Variants in RNASE4 observed in about 807,000 individuals in gnomAD.
RNASE4 encodes the protein ribonuclease 4.
For synonymous variants in RNASE4, 93 were observed against 71.4 expected, an observed-to-expected ratio of 1.30 and a Z score of -1.52; for missense variants, 194 against 192.8, an observed-to-expected ratio of 1.01 and a Z score of -0.04.
intron 1 of RNASE4, among the ~76,000 whole-genome samples, chr14:20,687,138 T>C (rs1886464326): frequency 6.6e-6 from 1 of 152,270 alleles, no homozygotes; most frequent in African/African-American, 2.4e-5. Context: ...TCCTTAATCA[T>C]AGAATATAAT....
At chr14:20,695,609 A>G (rs1379124802) in intron 1 of RNASE4, among the ~76,000 whole-genome samples, 1 of 152,220 alleles carries the variant, frequency 6.6e-6, no homozygotes, top group African/African-American at 2.4e-5. Context: ...TTGCCAATAA[A>G]TTAGTTATAA....
At chr14:20,690,373 G>A (rs914239278) in intron 1 of RNASE4, among the ~76,000 whole-genome samples, 1 of 152,092 alleles carries the variant, frequency 6.6e-6, no homozygotes, top group Admixed American at 6.5e-5. Flanking sequence ...CAGATGTGAG[G>A]CTTTGCACCC....
At position 20,699,430 on chromosome 14, in the gene RNASE4, TG is replaced by T; in HGVS notation, c.63del (p.Leu22TrpfsTer34). On this transcript the variant is annotated frameshift_variant, in exon 2 of 2. Transcript: ENST00000555835. LOFTEE classifies it low-confidence loss of function (END_TRUNC). ...CTTTTGCTGCTGACCCTGCTGGGGCTGGGGCTGGTCCAGCCCTCCTATGGCC... is the reference window on the plus strand; with the variant it reads ...CTTTTGCTGCTGACCCTGCTGGGGCTGGGCTGGTCCAGCCCTCCTATGGCC... The part of the protein sequence containing the change: ...LLLLLLTLLG[L>X]GLVQPSYGQD... The T allele has an allele frequency of 4.3e-6, 7 of 1,611,594 alleles. No individual in the cohort carries two copies.
At position 20,690,221 on chromosome 14, in the gene RNASE4, C is replaced by CAAAAAAAAA. The variant is rs36091065; in HGVS notation, c.-18+5482_-18+5490dup. The stretch of plus-strand genomic sequence containing the variant: ...TGGGCGACAGAGCGAGACTCCGTCT[C>CAAAAAAAAA]AAAAAAAAAAAAAAAAAAAAAAAAA... On this transcript the variant is annotated intron_variant, in intron 1 of 1. Transcript: ENST00000555835. 5.9e-3 allele frequency among the ~76,000 whole-genome samples: 398 copies of CAAAAAAAAA among 67,878 alleles called. 1 individual carries two copies. The highest frequency in any genetic ancestry group is 0.017 in the Middle Eastern group (1 of 60). 44.5% of individuals were successfully genotyped at this position (67,878 alleles called of 152,430 possible). A position where few individuals can be genotyped will look rare whatever the true frequency, so the allele number is the denominator to read the frequency against.
chr14:20,693,535 T>G, intron 1 of RNASE4: 1 of 1,609,306 alleles, frequency 6.2e-7, no homozygotes, highest in Non-Finnish European at 8.5e-7. Context: ...CACCTCCTTT[T>G]GCCCTCCGCA....
intron 1 of RNASE4, among the ~76,000 whole-genome samples, chr14:20,695,373 C>T (rs969522064): frequency 4.6e-4 from 65 of 142,270 alleles, no homozygotes; most frequent in Middle Eastern, 3.8e-3. Context: ...CCAGCCTGGG[C>T]GACAGAGCGA....
At chr14:20,690,088 G>A (rs1294865244) in intron 1 of RNASE4, among the ~76,000 whole-genome samples, 4 of 148,052 alleles carry the variant, frequency 2.7e-5, no homozygotes, top group African/African-American at 5.0e-5. Flanking sequence ...GGTGGCGGGC[G>A]CCTGTAGTCC....
At chr14:20,696,531 C>T (rs1002611095) in intron 1 of RNASE4, among the ~76,000 whole-genome samples, 1 of 151,842 alleles carries the variant, frequency 6.6e-6, no homozygotes, top group African/African-American at 2.4e-5. Flanking sequence ...AAGAAAATTC[C>T]ATGCAATTTG....
intron 1 of RNASE4, chr14:20,693,882 G>A (rs1217089813): frequency 9.9e-6 from 16 of 1,614,186 alleles, no homozygotes; most frequent in Non-Finnish European, 1.4e-5. Flanking sequence ...CCACTTGCAA[G>A]CTACATGGAG....
In RNASE4 at chr14:20,700,864, G is replaced by A. The variant is rs557979501; in HGVS notation, c.*1049G>A. The stretch of plus-strand genomic sequence containing the variant: ...CAGGTCTCTGAGCCCAAGCCTGCAC[G>A]TATACATCCAGATGGCCTGAAGCAA... On this transcript the variant is annotated 3_prime_UTR_variant, in exon 2 of 2. Coordinates refer to ENST00000555835, the MANE Select transcript of RNASE4 (RefSeq NM_002937.5). 123 of 152,588 alleles carry A rather than the reference G, an allele frequency of 8.1e-4. 1 individual carries two copies. The highest frequency in any genetic ancestry group is 3.9e-3 in the East Asian group (20 of 5,190). 9.5% of individuals were successfully genotyped at this position (152,588 alleles called of 1,614,324 possible).
intron 1 of RNASE4, among the ~76,000 whole-genome samples, chr14:20,689,387 G>A (rs1023699965): frequency 3.3e-5 from 5 of 152,212 alleles, no homozygotes; most frequent in African/African-American, 1.2e-4. Flanking sequence ...GGATGAATAT[G>A]CCTTGGGTGT....
At chr14:20,688,464 A>G (rs561544342) in intron 1 of RNASE4, among the ~76,000 whole-genome samples, 53 of 152,184 alleles carry the variant, frequency 3.5e-4, no homozygotes, top group Non-Finnish European at 1.5e-4. Flanking sequence ...GAGATCAGAG[A>G]TGCTATCTTA....
chr14:20,686,948 C>T (rs1886453313), intron 1 of RNASE4, among the ~76,000 whole-genome samples: 1 of 152,116 alleles, frequency 6.6e-6, no homozygotes, highest in African/African-American at 2.4e-5. Flanking sequence ...AAACAGGACC[C>T]GTGCATCCCG....
chr14:20,687,434 G>C (rs1162656018), intron 1 of RNASE4, among the ~76,000 whole-genome samples: 1 of 152,238 alleles, frequency 6.6e-6, no homozygotes, highest in East Asian at 1.9e-4. Flanking sequence ...TGCTCTGTTT[G>C]TGTGAGTCGG....
At position 20,701,063 on chromosome 14, in the gene RNASE4, C is replaced by T. The variant is rs1389407769; in HGVS notation, c.*1248C>T. The T allele has an allele frequency of 6.6e-6, 1 of 152,222 alleles. No homozygotes were observed. Among genetic ancestry groups the T allele is most frequent in the Non-Finnish European group, 1.5e-5 (1 of 68,042 alleles). 9.4% of individuals were successfully genotyped at this position (152,222 alleles called of 1,614,324 possible). On this transcript the variant is annotated 3_prime_UTR_variant, in exon 2 of 2. Transcript: ENST00000555835. ...CCAGAGCACCTTGTGACCCCCGCCC[C>T]TGCCCGCTAGAGAATAACCCACTTT... is the stretch of plus-strand genomic sequence containing the variant.
chr14:20,696,208 T>G (rs1309033842), intron 1 of RNASE4, among the ~76,000 whole-genome samples: 1 of 152,188 alleles, frequency 6.6e-6, no homozygotes, highest in Non-Finnish European at 1.5e-5. Context: ...TATCATCGCA[T>G]AGTTTGCTCT....
intron 1 of RNASE4, among the ~76,000 whole-genome samples, chr14:20,693,129 G>C (rs1454922713): frequency 6.6e-6 from 1 of 152,188 alleles, no homozygotes; most frequent in Non-Finnish European, 1.5e-5. Context: ...TTACAGGCGT[G>C]AGCCACCGCG....
At position 20,699,606 on chromosome 14, in the gene RNASE4, T is replaced by C. The variant is rs759207684; in HGVS notation, c.235T>C (p.Trp79Arg). Residue 79 changes from tryptophan to arginine, a missense_variant, in exon 2 of 2, where the codon TGG (tryptophan) becomes CGG (arginine). Physicochemically the swap from Trp to Arg is moderately radical, Grantham distance 101. Coordinates refer to ENST00000555835, the MANE Select transcript of RNASE4 (RefSeq NM_002937.5). ...RFNTFIHEDI[W>R]NIRSICSTTN... ...CAACACCTTCATCCATGAAGATATC[T>C]GGAACATTCGTAGTATCTGCAGCAC... 2 of 1,614,080 alleles carry C rather than the reference T, an allele frequency of 1.2e-6. No individual in the cohort carries two copies. The highest frequency in any genetic ancestry group is 8.5e-7 in the Non-Finnish European group (1 of 1,180,036).
In RNASE4 at chr14:20,699,856, A is replaced by C; in HGVS notation, c.*41A>C. The C allele has an allele frequency of 6.4e-7, 1 of 1,560,168 alleles. No homozygotes were observed. The highest frequency in any genetic ancestry group is 8.8e-7 in the Non-Finnish European group (1 of 1,136,528). ...GATTATCGCGAGTGGTTGACCTTAC[A>C]CTTACTCCTTAAATAGCAGTGAGTA... On this transcript the variant is annotated 3_prime_UTR_variant, in exon 2 of 2. Coordinates refer to ENST00000555835, the MANE Select transcript of RNASE4 (RefSeq NM_002937.5).
Sources: gnomAD v4.1 joint callset for allele counts (sites outside exome capture counted in the v4.1 genomes callset) on GRCh38, gnomAD v4.1.1 for gene constraint, MANE v1.5 for transcripts, NCBI Gene and HGNC (gene_info 2026-07-23, HGNC 2026-07-21) for gene names.